Variants in PKNOX2 observed in about 807,000 individuals in gnomAD.
PKNOX2 encodes homeobox protein PKNOX2.
Under a neutral mutation model 53.1 loss-of-function variants are expected in PKNOX2, and 14 were observed. The ratio of observed to expected loss-of-function variants is 0.26; its 90% CI spans 0.17 to 0.41. The LOEUF is 0.41. PKNOX2 is among the 10% of genes least tolerant of loss of function. The pLI is 1.00. For missense variants in PKNOX2, 496 were observed against 602.8 expected (o/e 0.82, Z 1.85); for synonymous variants, 257 against 242.8 (o/e 1.06, Z -0.54).
Position 125,370,170 on chromosome 11 carries a change from C to G in PKNOX2, c.227+2185C>G, listed in dbSNP as rs1439386999. Among the ~76,000 whole-genome samples the G allele has an allele frequency of 6.6e-6, 1 of 152,166 alleles. No individual in the cohort carries two copies. Among genetic ancestry groups the G allele is most frequent in the Non-Finnish European group, 1.5e-5 (1 of 68,038 alleles). Reference sequence around the variant, plus strand: ...TCCCACCTCCACTGTGTCCTAGCCTCTCTGAGCTTTCATGTCCCGATGGAA... The same window carrying G: ...TCCCACCTCCACTGTGTCCTAGCCTGTCTGAGCTTTCATGTCCCGATGGAA... On this transcript the variant is annotated intron_variant, in intron 5 of 12. Transcript: ENST00000298282. This position sits in a 1 kb window ranked among gnomAD's most constrained non-coding sequence, Gnocchi z 4.1.
chr11:125,168,878 G>A (rs1442498990), intron 1 of PKNOX2, among the ~76,000 whole-genome samples: 1 of 152,190 alleles, frequency 6.6e-6, no homozygotes, highest in Non-Finnish European at 1.5e-5. Flanking sequence ...AAAATTTATA[G>A]GCTTCCAACA....
intron 3 of PKNOX2, among the ~76,000 whole-genome samples, chr11:125,343,982 C>T (rs1249901181): frequency 5.3e-5 from 8 of 152,136 alleles, no homozygotes; most frequent in African/African-American, 7.2e-5. Context: ...GAAACCTGGT[C>T]GGGCTGGAGT....
At position 125,431,483 on chromosome 11, in the gene PKNOX2, A is replaced by C; in HGVS notation, c.*91A>C. 8.8e-7 allele frequency: 1 copy of C among 1,139,080 alleles called. No homozygotes were observed. Among genetic ancestry groups the C allele is most frequent in the East Asian group, 4.0e-5 (1 of 25,052 alleles). 70.6% of individuals were successfully genotyped at this position (1,139,080 alleles called of 1,614,324 possible). Reference sequence around the variant, plus strand: ...GGGGGGGAAGGGGACATGGGCAGGAAGCACCGAGGGAGTTGGGCCCTAGCT... The same window carrying C: ...GGGGGGGAAGGGGACATGGGCAGGACGCACCGAGGGAGTTGGGCCCTAGCT... On this transcript the variant is annotated 3_prime_UTR_variant, in exon 13 of 13. Coordinates refer to ENST00000298282, the MANE Select transcript of PKNOX2 (RefSeq NM_001382323.2).
Position 125,363,687 on chromosome 11 carries a change from A to G in PKNOX2, c.88-4159A>G, listed in dbSNP as rs1030665722. ...CCTTGGGGAAAAGCTCCAAATCTGGAGTGGCCAGTTCTGAGACCAGCTGTG... is the reference window on the plus strand; with the variant it reads ...CCTTGGGGAAAAGCTCCAAATCTGGGGTGGCCAGTTCTGAGACCAGCTGTG... On this transcript the variant is annotated intron_variant, in intron 4 of 12. Coordinates refer to ENST00000298282, the MANE Select transcript of PKNOX2 (RefSeq NM_001382323.2). Among the ~76,000 whole-genome samples the G allele has an allele frequency of 3.3e-5, 5 of 152,176 alleles. No homozygotes were observed. The South Asian group carries it at 8.3e-4, about 25-fold the overall frequency.
chr11:125,380,573 G>C (rs953219862), intron 5 of PKNOX2, among the ~76,000 whole-genome samples: 1 of 152,182 alleles, frequency 6.6e-6, no homozygotes, highest in Non-Finnish European at 1.5e-5. Context: ...TGGACACCAA[G>C]TGTCCACATC....
chr11:125,344,330 A>G (rs1345388841), intron 3 of PKNOX2, among the ~76,000 whole-genome samples: 3 of 152,208 alleles, frequency 2.0e-5, no homozygotes, highest in Non-Finnish European at 4.4e-5. Context: ...CCTCGGAAGT[A>G]GGGCCACAGG....
rs116597367 is a variant in PKNOX2 at position 125,187,052 on chromosome 11, C to T, written c.-201+22276C>T. On this transcript the variant is annotated intron_variant, in intron 1 of 12. Coordinates refer to ENST00000298282, the MANE Select transcript of PKNOX2 (RefSeq NM_001382323.2). ...TTTGGCTTTATTTCTGGACTCTTTACTCAATTCCACCAGTCTAAATGTCCA... is the reference window on the plus strand; with the variant it reads ...TTTGGCTTTATTTCTGGACTCTTTATTCAATTCCACCAGTCTAAATGTCCA... 4.0e-3 allele frequency among the ~76,000 whole-genome samples: 614 copies of T among 152,312 alleles called. 3 individuals are homozygous for T. The highest frequency in any genetic ancestry group is 0.014 in the African/African-American group (576 of 41,566).
chr11:125,299,135 A>T (rs1475651167), intron 2 of PKNOX2, among the ~76,000 whole-genome samples: 2 of 152,024 alleles, frequency 1.3e-5, no homozygotes, highest in Non-Finnish European at 2.9e-5. Context: ...AGCAAGAGAG[A>T]TCAGGGAGGT....
intron 3 of PKNOX2, among the ~76,000 whole-genome samples, chr11:125,346,065 G>A (rs532241432): frequency 3.3e-5 from 5 of 152,154 alleles, no homozygotes; most frequent in Admixed American, 6.5e-5. Context: ...AAGCCAGCCA[G>A]GTTACTAATG....
intron 4 of PKNOX2, among the ~76,000 whole-genome samples, chr11:125,356,027 G>GCAC (rs1555161930): frequency 4.0e-5 from 5 of 124,726 alleles, no homozygotes; most frequent in African/African-American, 6.1e-5. Context: ...CTCACTATCA[G>GCAC]CACCCCCCCC....
chr11:125,403,574 G>A (rs1353793548), intron 7 of PKNOX2, among the ~76,000 whole-genome samples: 1 of 152,202 alleles, frequency 6.6e-6, no homozygotes, highest in African/African-American at 2.4e-5. Flanking sequence ...GAAGCTGAGA[G>A]AAGTGAAGAC....
intron 2 of PKNOX2, among the ~76,000 whole-genome samples, chr11:125,310,845 T>C (rs751191633): frequency 2.0e-5 from 3 of 152,192 alleles, no homozygotes; most frequent in Non-Finnish European, 2.9e-5. Flanking sequence ...GGTTTGATGA[T>C]TGTTGTCCTT....
chr11:125,402,030 T>C (rs1954786121), intron 7 of PKNOX2, among the ~76,000 whole-genome samples: 1 of 152,180 alleles, frequency 6.6e-6, no homozygotes, highest in African/African-American at 2.4e-5. Context: ...GTTTTCAACT[T>C]GGTATCCCCA....
At chr11:125,195,633 G>A (rs756007108) in intron 1 of PKNOX2, among the ~76,000 whole-genome samples, 6 of 150,196 alleles carry the variant, frequency 4.0e-5, no homozygotes, top group African/African-American at 4.9e-5. Context: ...CTGAAGACTC[G>A]GTGAGCTGAC....
chr11:125,367,701 T>C (rs1473293019), intron 4 of PKNOX2, 145 bp from the exon 5 acceptor site: 4 of 811,452 alleles, frequency 4.9e-6, no homozygotes, highest in Non-Finnish European at 7.3e-6. Context: ...CACGTACGAA[T>C]GGATGCTCAT....
intron 1 of PKNOX2, among the ~76,000 whole-genome samples, chr11:125,177,107 A>G (rs1955767259): frequency 6.6e-6 from 1 of 152,164 alleles, no homozygotes; most frequent in Non-Finnish European, 1.5e-5. Context: ...AGCACCAGCC[A>G]CAGGGGGACT....
intron 6 of PKNOX2, among the ~76,000 whole-genome samples, chr11:125,389,895 C>G (rs2135408171): frequency 6.6e-6 from 1 of 152,238 alleles, no homozygotes; most frequent in African/African-American, 2.4e-5. Flanking sequence ...AAAGCCAGCT[C>G]TAAAATAGGG....
intron 3 of PKNOX2, among the ~76,000 whole-genome samples, chr11:125,336,114 T>C (rs1037516672): frequency 1.3e-5 from 2 of 152,258 alleles, no homozygotes; most frequent in Non-Finnish European, 2.9e-5. Flanking sequence ...TAGTTTTCTA[T>C]TATATAGATG....
chr11:125,412,721 A>G (rs1955637013), intron 10 of PKNOX2, among the ~76,000 whole-genome samples: 2 of 152,206 alleles, frequency 1.3e-5, no homozygotes, highest in South Asian at 2.1e-4. Context: ...CTGCCCTGGC[A>G]TGTCAGGACA....
Sources: allele counts gnomAD v4.1 joint callset (sites outside exome capture counted in the v4.1 genomes callset), GRCh38; gene constraint gnomAD v4.1.1; non-coding constraint Gnocchi (gnomAD v3.1); transcripts MANE v1.5; gene names NCBI Gene and HGNC (gene_info 2026-07-23, HGNC 2026-07-21).